GTPBP1: variants seen among roughly 807,000 people sequenced by gnomAD.
The protein encoded by GTPBP1 is GTP-binding protein 1.
Under a neutral mutation model 62.0 loss-of-function variants are expected in GTPBP1, and 23 were observed. The observed-to-expected ratio is 0.37, with a 90% confidence interval of 0.27 to 0.53. The LOEUF (loss-of-function observed/expected upper bound fraction) is 0.53. GTPBP1 is among the 20% of genes least tolerant of loss of function. The probability of loss-of-function intolerance (pLI) is 0.89; values close to 1 mark genes in which losing one functional copy is unlikely to be tolerated. For synonymous variants in GTPBP1, 344 were observed against 364.4 expected, an observed-to-expected ratio of 0.94 and a Z score of 0.64; for missense variants, 640 against 917.3, an observed-to-expected ratio of 0.70 and a Z score of 3.90.
At chr22:38,736,226 C>T (rs374929327), downstream of GTPBP1, 53 of 1,581,152 alleles carry the variant, frequency 3.4e-5, no homozygotes, top group Non-Finnish European at 4.6e-5. Flanking sequence ...GTGCTGTTCA[C>T]CCACTCCCAG....
downstream of GTPBP1, chr22:38,738,888 G>C (rs2092830212): frequency 6.2e-7 from 1 of 1,607,092 alleles, no homozygotes; most frequent in Non-Finnish European, 8.5e-7. The surrounding 1 kb of genome is among the most constrained non-coding windows in gnomAD (Gnocchi z 6.6). Flanking sequence ...GGATGACTCG[G>C]GGTGACTGGG....
At chr22:38,734,798 C>A (rs2092786879), downstream of GTPBP1, 1 of 181,346 alleles carries the variant, frequency 5.5e-6, no homozygotes. Context: ...AACTTAAGAA[C>A]CAATAGTGCA....
Position 38,716,154 on chromosome 22 carries a change from A to T in GTPBP1, c.485+67A>T. The T allele has an allele frequency of 7.7e-7, 1 of 1,298,678 alleles. No individual in the cohort carries two copies. Among genetic ancestry groups the T allele is most frequent in the South Asian group, 1.3e-5 (1 of 78,726 alleles). 80.4% of individuals were successfully genotyped at this position (1,298,678 alleles called of 1,614,324 possible). A position where few individuals can be genotyped will look rare whatever the true frequency, so the allele number is the denominator to read the frequency against. ...AGAGGTTGGTGACTGAGCCTGTGGC[A>T]CTTGGCGTGTCAGCTCCATCCTTTC... On this transcript the variant is annotated intron_variant, in intron 3 of 11. Transcript: ENST00000216044. This position sits in a 1 kb window ranked among gnomAD's most constrained non-coding sequence, Gnocchi z 5.2.
downstream of GTPBP1, chr22:38,739,454 G>C: frequency 6.2e-7 from 1 of 1,610,534 alleles, no homozygotes; most frequent in Non-Finnish European, 8.5e-7. This position sits in a 1 kb window ranked among gnomAD's most constrained non-coding sequence, Gnocchi z 6.7. Context: ...GGAGACGGTT[G>C]CAGCAGGGAG....
At position 38,730,853 on chromosome 22, in the gene GTPBP1, G is replaced by A. The variant is rs1467595560; in HGVS notation, c.*149G>A. The A allele has an allele frequency of 8.9e-6, 5 of 561,248 alleles. No individual in the cohort carries two copies. Among genetic ancestry groups the A allele is most frequent in the African/African-American group, 2.0e-5 (1 of 50,892 alleles). 34.8% of individuals were successfully genotyped at this position (561,248 alleles called of 1,614,324 possible). A position where few individuals can be genotyped will look rare whatever the true frequency, so the allele number is the denominator to read the frequency against. On this transcript the variant is annotated 3_prime_UTR_variant, in exon 12 of 12. Coordinates refer to ENST00000216044, the MANE Select transcript of GTPBP1 (RefSeq NM_004286.5). This position sits in a 1 kb window ranked among gnomAD's most constrained non-coding sequence, Gnocchi z 5.6. ...GCATTGCCCCCACCCCCATTTTCCA[G>A]GGGGGTTGTAATTTATAAGCTGACG...
rs375582502 is a variant in GTPBP1, at chr22:38,727,385, C to T, written c.1537+37C>T. The T allele has an allele frequency of 4.0e-6, 6 of 1,491,208 alleles. No individual in the cohort carries two copies. The highest frequency in any genetic ancestry group is 5.4e-6 in the Non-Finnish European group (6 of 1,116,080). 92.4% of individuals were successfully genotyped at this position (1,491,208 alleles called of 1,614,324 possible). A position where few individuals can be genotyped will look rare whatever the true frequency, so the allele number is the denominator to read the frequency against. On this transcript the variant is annotated intron_variant, in intron 9 of 11. Coordinates refer to ENST00000216044, the MANE Select transcript of GTPBP1 (RefSeq NM_004286.5). The surrounding 1 kb of genome is among the most constrained non-coding windows in gnomAD (Gnocchi z 6.5). ...AGGCCCTGCCAGCCCAGGAGGCCGT[C>T]GTGTTAGCTCCCCTCAGAAGGTGTT...
At chr22:38,740,711 G>C, downstream of GTPBP1, 1 of 583,664 alleles carries the variant, frequency 1.7e-6, no homozygotes, top group Non-Finnish European at 3.1e-6. This position sits in a 1 kb window ranked among gnomAD's most constrained non-coding sequence, Gnocchi z 4.8. Flanking sequence ...ATGGACATCT[G>C]GGGCATGAGA....
chr22:38,708,366 A>G (rs1027968409), intron 1 of GTPBP1, among the ~76,000 whole-genome samples: 9 of 152,196 alleles, frequency 5.9e-5, no homozygotes, highest in South Asian at 2.1e-4. Flanking sequence ...CAAATATTCA[A>G]TATAGCTAAG....
chr22:38,740,545 G>T, downstream of GTPBP1: 1 of 1,217,670 alleles, frequency 8.2e-7, no homozygotes, highest in Non-Finnish European at 1.1e-6. This position sits in a 1 kb window ranked among gnomAD's most constrained non-coding sequence, Gnocchi z 4.8. Flanking sequence ...CGGGTGCCCA[G>T]CACTCATTGT....
downstream of GTPBP1, chr22:38,734,330 G>GCAAATAT (rs1255073591): frequency 1.9e-5 from 9 of 462,018 alleles, no homozygotes; most frequent in Non-Finnish European, 3.1e-5. Context: ...CCAGTCACAG[G>GCAAATAT]TCCAAGGGGC....
At chr22:38,740,728 T>G, downstream of GTPBP1, 1 of 585,456 alleles carries the variant, frequency 1.7e-6, no homozygotes. This position sits in a 1 kb window ranked among gnomAD's most constrained non-coding sequence, Gnocchi z 4.8. Context: ...GAGAAGGCAG[T>G]TATGTGAGGC....
chr22:38,721,648 A>G lies in GTPBP1; in HGVS notation c.835-94A>G, dbSNP rs574424086. The G allele has an allele frequency of 6.7e-4, 837 of 1,245,344 alleles. 11 individuals are homozygous for G. The South Asian group carries it at 0.011, about 17-fold the overall frequency. The allele number at this position is 1,245,344 out of a possible 1,614,324, so 77.1% of individuals were successfully genotyped here. ...GGTTAACGTGATTTTTGCCCAGCCC[A>G]GCTTTCATCCACATCTGCTTTTGAG... On this transcript the variant is annotated intron_variant, in intron 4 of 11. Transcript: ENST00000216044.
In GTPBP1 at chr22:38,729,688, G is replaced by A. The variant is rs199588493; in HGVS notation, c.1917+26G>A. The stretch of plus-strand genomic sequence containing the variant: ...GTGAGCACGGGCCCCTCGCAGCTTC[G>A]GCATGGTGGTGGGGGCTGTGGCTTT... On this transcript the variant is annotated intron_variant, in intron 11 of 11. Coordinates refer to ENST00000216044, the MANE Select transcript of GTPBP1 (RefSeq NM_004286.5). 1.1e-4 allele frequency: 157 copies of A among 1,438,912 alleles called. 3 individuals are homozygous for A. In the Admixed American group the frequency reaches 4.3e-3, roughly 39 times the overall value. 89.1% of individuals were successfully genotyped at this position (1,438,912 alleles called of 1,614,324 possible).
downstream of GTPBP1, chr22:38,741,034 A>C (rs1411604850): frequency 2.5e-6 from 4 of 1,598,404 alleles, no homozygotes; most frequent in East Asian, 9.0e-5. Flanking sequence ...CAGCTGCTGG[A>C]TGCGAGCCTC....
Position 38,723,181 on chromosome 22 carries a change from A to T in GTPBP1, c.959-1116A>T, listed in dbSNP as rs1050925143. Reference sequence around the variant, plus strand: ...CACTAAAAGCAACAGTTTCTGTAGGACCACGAAGGTGAAATCCAAAGGATA... The same window carrying T: ...CACTAAAAGCAACAGTTTCTGTAGGTCCACGAAGGTGAAATCCAAAGGATA... On this transcript the variant is annotated intron_variant, in intron 5 of 11. Transcript: ENST00000216044. 23 of 870,020 alleles carry T rather than the reference A, an allele frequency of 2.6e-5. No homozygotes were observed. The Admixed American group carries it at 4.1e-4, about 15-fold the overall frequency. The allele number at this position is 870,020 out of a possible 1,614,324, so 53.9% of individuals were successfully genotyped here.
intron 6 of GTPBP1, 130 bp from the exon 7 acceptor site, chr22:38,725,876 G>T: frequency 1.2e-6 from 1 of 824,432 alleles, no homozygotes. Flanking sequence ...GGCAGGTGAG[G>T]GAGAGGTGGA....
Position 38,728,117 on chromosome 22 carries a change from G to C in GTPBP1, c.1672G>C (p.Val558Leu), listed in dbSNP as rs758071269. Residue 558 changes from valine (V) to leucine (L), a missense_variant, in exon 10 of 12, where the codon GTG (valine) becomes CTG (leucine). Val to Leu is a conservative substitution (Grantham distance 32). Transcript: ENST00000216044. ...GTACCTGCACATAGACCAGCGGCTG[G>C]TGTTCCGGGAAGGCCGCACCAAGGC... ...PEYLHIDQRL[V>L]FREGRTKAVG... is the part of the protein sequence containing the mutation. 6.2e-7 allele frequency: 1 copy of C among 1,613,934 alleles called. No individual in the cohort carries two copies. The highest frequency in any genetic ancestry group is 2.2e-5 in the East Asian group (1 of 44,872).
chr22:38,742,515 C>T (rs760591672), downstream of GTPBP1: 41 of 1,613,090 alleles, frequency 2.5e-5, no homozygotes, highest in East Asian at 4.5e-5. Context: ...TTCCAGACGC[C>T]GCTCCAGAGA....
At chr22:38,742,008 T>C (rs1025347071), downstream of GTPBP1, among the ~76,000 whole-genome samples, 1 of 151,956 alleles carries the variant, frequency 6.6e-6, no homozygotes, top group Non-Finnish European at 1.5e-5. Context: ...GATGTGGTGG[T>C]GCACGCCTGT....
Sources: gnomAD v4.1 joint callset for allele counts (sites outside exome capture counted in the v4.1 genomes callset) on GRCh38, gnomAD v4.1.1 for gene constraint, Gnocchi (gnomAD v3.1) non-coding constraint, MANE v1.5 for transcripts, NCBI Gene and HGNC (gene_info 2026-07-23, HGNC 2026-07-21) for gene names.